Variants in KAT14 observed in about 807,000 individuals in gnomAD.
KAT14 encodes the protein lysine acetyltransferase 14, also known as cysteine-rich protein 2-binding protein.
KAT14 carries 66 observed loss-of-function variants against 78.4 expected under a neutral mutation model. The ratio of observed to expected loss-of-function variants is 0.84; its 90% CI spans 0.69 to 1.03. KAT14 has a LOEUF of 1.03. KAT14 is among the 50% of genes least tolerant of loss of function. KAT14 has a pLI of 0.00. For synonymous variants in KAT14, 344 were observed against 359.4 expected (o/e 0.96, Z 0.48); for missense variants, 870 against 972.5 (o/e 0.89, Z 1.40).
rs201940609 is a variant in KAT14 at position 18,145,253 on chromosome 20, A to G, written c.280A>G (p.Ser94Gly). 5.8e-5 allele frequency: 94 copies of G among 1,614,168 alleles called. No homozygotes were observed. In the East Asian group the frequency reaches 2.1e-3, roughly 36 times the overall value. ...IPASQLREQL[S>G]YLKGDNFFRF... Reference sequence around the variant, plus strand: ...CCTAGGTCAGCTGAGGGAACAGCTCAGTTACCTTAAGGGTGATAATTTTTT... The same window carrying G: ...CCTAGGTCAGCTGAGGGAACAGCTCGGTTACCTTAAGGGTGATAATTTTTT... The change falls in exon 3 of 11, where the codon AGT (serine) becomes GGT (glycine). Residue 94 changes from serine to glycine, a missense_variant. Transcript: ENST00000688188.
Position 18,150,946 on chromosome 20 carries a change from ATGT to A in KAT14, c.500+5_500+7del. 3 of 1,613,466 alleles carry A rather than the reference ATGT, an allele frequency of 1.9e-6. No individual in the cohort carries two copies. Among genetic ancestry groups the A allele is most frequent in the Non-Finnish European group, 2.5e-6 (3 of 1,179,592 alleles). On this transcript the variant is annotated splice_donor_5th_base_variant and intron_variant, in intron 4 of 10. Transcript: ENST00000688188. ...GGACTTTTTTACTAGGGAATAGGTA[ATGT>A]GTTTTTAAAAAATCTTATACTTCAA...
At chr20:18,174,777 C>A (rs2038973458) in intron 7 of KAT14, among the ~76,000 whole-genome samples, 1 of 151,604 alleles carries the variant, frequency 6.6e-6, no homozygotes, top group Non-Finnish European at 1.5e-5. Flanking sequence ...AGTTCTCCTG[C>A]CTCAGCCACC....
At position 18,181,812 on chromosome 20, in the gene KAT14, C is replaced by T. The variant is rs1424211395; in HGVS notation, c.1771C>T (p.Pro591Ser). The T allele has an allele frequency of 6.2e-7, 1 of 1,614,072 alleles. No homozygotes were observed. Among genetic ancestry groups the T allele is most frequent in the African/African-American group, 1.3e-5 (1 of 75,006 alleles). ...GGCTGTGGACCAGAGTATTGTCAGC[C>T]CTTATACCTCTCGGATCTTGAAACC... ...DMAVDQSIVSPYTSRILKPYI... is the reference protein window; with the variant it reads ...DMAVDQSIVSSYTSRILKPYI... The change falls in exon 8 of 11, where the codon CCT (proline) becomes TCT (serine). Residue 591 changes from proline (P) to serine (S), a missense_variant. Pro to Ser is a moderately conservative substitution (Grantham distance 74, BLOSUM62 -1). Coordinates refer to ENST00000688188, the MANE Select transcript of KAT14 (RefSeq NM_001392073.1).
At chr20:18,179,646 T>G (rs2146517494) in intron 7 of KAT14, among the ~76,000 whole-genome samples, 1 of 152,254 alleles carries the variant, frequency 6.6e-6, no homozygotes, top group Middle Eastern at 3.4e-3. Context: ...AGGTCTGTGA[T>G]GGGAGGGGCT....
chr20:18,154,630 A>ATCT (rs1568665914), intron 4 of KAT14, among the ~76,000 whole-genome samples: 4 of 152,126 alleles, frequency 2.6e-5, no homozygotes, highest in Non-Finnish European at 5.9e-5. Context: ...CCTTCCCAGA[A>ATCT]TCCTCGTAAA....
chr20:18,167,310 C>A lies in KAT14; in HGVS notation c.1668+4365C>A, dbSNP rs186036617. On this transcript the variant is annotated intron_variant, in intron 7 of 10. Transcript: ENST00000688188. ...CCACTTTGGGATTTTGGTGTTAAAT[C>A]AGTTACTATTTGTCCATCTGTTTAC... is the stretch of plus-strand genomic sequence containing the variant. Among the ~76,000 whole-genome samples the A allele has an allele frequency of 4.8e-3, 734 of 152,280 alleles. 12 individuals carry two copies. Among genetic ancestry groups the A allele is most frequent in the African/African-American group, 0.017 (692 of 41,548 alleles).
rs146117365 is a variant in KAT14 at position 18,146,395 on chromosome 20, C to T, written c.378+1044C>T. ...AAAAAACAGGCCAGGCGCGGTGGCT[C>T]ATGCCTGTAATCCCAGCACTTTGGG... On this transcript the variant is annotated intron_variant, in intron 3 of 10. Transcript: ENST00000688188. Among the ~76,000 whole-genome samples, 746 of 152,264 alleles carry T rather than the reference C, an allele frequency of 4.9e-3. 8 individuals carry two copies. Among genetic ancestry groups the T allele is most frequent in the African/African-American group, 0.017 (687 of 41,542 alleles).
chr20:18,151,338 A>G (rs2038031666), intron 4 of KAT14, among the ~76,000 whole-genome samples: 1 of 152,024 alleles, frequency 6.6e-6, no homozygotes, highest in South Asian at 2.1e-4. Flanking sequence ...CTGGGATTAC[A>G]GGCACCTGCC....
intron 4 of KAT14, among the ~76,000 whole-genome samples, chr20:18,152,588 C>CA (rs2038088548): frequency 2.6e-5 from 4 of 151,384 alleles, no homozygotes; most frequent in African/African-American, 4.8e-5. Context: ...AACAAACAAA[C>CA]AACCAACCAA....
At chr20:18,156,167 T>C (rs902153634) in intron 4 of KAT14, among the ~76,000 whole-genome samples, 9 of 152,314 alleles carry the variant, frequency 5.9e-5, no homozygotes, top group Admixed American at 2.0e-4. Context: ...ATTCCACTTA[T>C]CTGAGATACT....
intron 7 of KAT14, among the ~76,000 whole-genome samples, chr20:18,166,343 A>G (rs541944161): frequency 6.6e-6 from 1 of 152,356 alleles, no homozygotes; most frequent in East Asian, 1.9e-4. Context: ...AGGTAAGTGC[A>G]GGGAAGAACA....
In KAT14 at chr20:18,139,811, A is replaced by G. The variant is rs545122398; in HGVS notation, c.-454+1760A>G. 1.8e-4 allele frequency among the ~76,000 whole-genome samples: 28 copies of G among 152,268 alleles called. No individual in the cohort carries two copies. In the South Asian group the frequency reaches 5.4e-3, roughly 29 times the overall value. On this transcript the variant is annotated intron_variant, in intron 1 of 10. Coordinates refer to ENST00000688188, the MANE Select transcript of KAT14 (RefSeq NM_001392073.1). ...AAGGAAGCAAGAAATTAAATAATGAATATTGATTCCTGACCGTCTACCACA... is the reference window on the plus strand; with the variant it reads ...AAGGAAGCAAGAAATTAAATAATGAGTATTGATTCCTGACCGTCTACCACA...
chr20:18,148,866 T>TC (rs2037931699), intron 3 of KAT14, among the ~76,000 whole-genome samples: 1 of 152,116 alleles, frequency 6.6e-6, no homozygotes, highest in Non-Finnish European at 1.5e-5. Flanking sequence ...CACCTCAGCC[T>TC]CCCAAAGTGC....
chr20:18,180,662 A>G (rs995050184), intron 7 of KAT14, among the ~76,000 whole-genome samples: 4 of 152,228 alleles, frequency 2.6e-5, no homozygotes, highest in Non-Finnish European at 4.4e-5. Flanking sequence ...ATGGCTGGGT[A>G]GGCCTCAGAA....
At chr20:18,160,275 TC>T (rs2038372027) in intron 5 of KAT14, among the ~76,000 whole-genome samples, 2 of 152,110 alleles carry the variant, frequency 1.3e-5, no homozygotes, top group South Asian at 4.1e-4. Flanking sequence ...GTATGAAAGT[TC>T]CCCCACCTGC....
At chr20:18,176,673 G>A (rs1205208) in intron 7 of KAT14, among the ~76,000 whole-genome samples, 149,776 of 152,256 alleles carry the variant, frequency 0.98, 73,681 homozygotes, top group East Asian at 1. Flanking sequence ...GCTGGAACCT[G>A]GTGATGGCAG....
rs1021508909 is a variant in KAT14, at chr20:18,162,036, C to T, written c.896C>T (p.Pro299Leu). The change falls in exon 6 of 11, where the codon CCA (proline) becomes CTA (leucine). Residue 299 changes from proline (P) to leucine (L), a missense_variant. Pro to Leu is a moderately conservative substitution (Grantham distance 98, BLOSUM62 -3). Transcript: ENST00000688188. Reference sequence around the variant, plus strand: ...AAATTCATAAGCCGAGGCCGCAGGCCAGATGTGATTCTGGAAAAAGGCGAA... The same window carrying T: ...AAATTCATAAGCCGAGGCCGCAGGCTAGATGTGATTCTGGAAAAAGGCGAA... ...PVKFISRGRR[P>L]DVILEKGEVI... The T allele has an allele frequency of 6.2e-7, 1 of 1,614,230 alleles. No individual in the cohort carries two copies. Among genetic ancestry groups the T allele is most frequent in the Non-Finnish European group, 8.5e-7 (1 of 1,180,050 alleles).
chr20:18,164,167 A>G (rs759030164), intron 7 of KAT14, among the ~76,000 whole-genome samples: 1 of 151,994 alleles, frequency 6.6e-6, no homozygotes, highest in African/African-American at 2.4e-5. Context: ...CCTAATTCCC[A>G]TCTTTCCTGG....
chr20:18,166,210 CAT>C, intron 7 of KAT14, among the ~76,000 whole-genome samples: 1 of 152,278 alleles, frequency 6.6e-6, no homozygotes, highest in East Asian at 1.9e-4. Context: ...GAAAAGCAGA[CAT>C]ATTTATCCCT....
Sources: gnomAD v4.1 joint callset for allele counts (sites outside exome capture counted in the v4.1 genomes callset) on GRCh38, gnomAD v4.1.1 for gene constraint, MANE v1.5 for transcripts, NCBI Gene and HGNC (gene_info 2026-07-23, HGNC 2026-07-21) for gene names.